The following HERC1 variants were observed in gnomAD, a reference collection of about 807,000 sequenced individuals.
The protein encoded by HERC1 is HECT and RLD domain containing E3 ubiquitin protein ligase family member 1.
Under a neutral mutation model 554.3 loss-of-function variants are expected in HERC1, and 160 were observed. The observed-to-expected ratio is 0.29, with a 90% CI of 0.25 to 0.33. The LOEUF (loss-of-function observed/expected upper bound fraction) is 0.33, where lower values mean the gene tolerates loss of function less well. Ranked by LOEUF, HERC1 falls within the 10% of genes least tolerant of loss-of-function variation. The pLI is 1.00. For missense variants in HERC1, 4,919 were observed against 5,918.5 expected (o/e 0.83, Z 5.54); for synonymous variants, 2,175 against 2,131.7 (o/e 1.02, Z -0.56).
Position 63,694,965 on chromosome 15 carries a change from C to T in HERC1, c.5122-71G>A. 7.2e-7 allele frequency: 1 copy of T among 1,386,550 alleles called. No individual in the cohort carries two copies. Among genetic ancestry groups the T allele is most frequent in the Non-Finnish European group, 9.8e-7 (1 of 1,015,378 alleles). 85.9% of individuals were successfully genotyped at this position (1,386,550 alleles called of 1,614,324 possible). A position where few individuals can be genotyped will look rare whatever the true frequency, so the allele number is the denominator to read the frequency against. The stretch of plus-strand genomic sequence containing the variant: ...ACCTGCTTGCAAAAAGAAGTAATAA[C>T]ATTTTATTTCTAGTCTATGCTAGAG... On this transcript the variant is annotated intron_variant, in intron 27 of 77. Transcript: ENST00000443617. This position sits in a 1 kb window ranked among gnomAD's most constrained non-coding sequence, Gnocchi z 4.3.
chr15:63,743,849 G>A (rs1263650723), intron 12 of HERC1, among the ~76,000 whole-genome samples: 1 of 152,154 alleles, frequency 6.6e-6, no homozygotes, highest in African/African-American at 2.4e-5. Flanking sequence ...GTTAGGTCAT[G>A]GATGGTGTGG....
intron 54 of HERC1, among the ~76,000 whole-genome samples, chr15:63,649,142 G>A (rs933821055): frequency 6.6e-6 from 1 of 152,060 alleles, no homozygotes; most frequent in East Asian, 1.9e-4. Context: ...ATCACAAGGT[G>A]AGGAGATCGA....
chr15:63,790,618 AG>A (rs2076618195), intron 1 of HERC1, among the ~76,000 whole-genome samples: 1 of 112,342 alleles, frequency 8.9e-6, no homozygotes, highest in South Asian at 2.4e-4. Flanking sequence ...TTTAAATACT[AG>A]AATAATAGAC....
In HERC1 at chr15:63,734,926, C is replaced by G; in HGVS notation, c.2521-77G>C. Reference sequence around the variant, plus strand: ...TAAAAACACACTTAAAGCGAACTCACTGACTACTAGGATCATGTAAGTCTA... The same window carrying G: ...TAAAAACACACTTAAAGCGAACTCAGTGACTACTAGGATCATGTAAGTCTA... On this transcript the variant is annotated intron_variant, in intron 12 of 77. Transcript: ENST00000443617. This position sits in a 1 kb window ranked among gnomAD's most constrained non-coding sequence, Gnocchi z 4.6. The G allele has an allele frequency of 8.0e-7, 1 of 1,247,038 alleles. No individual in the cohort carries two copies. The allele number at this position is 1,247,038 out of a possible 1,614,324, so 77.2% of individuals were successfully genotyped here.
intron 1 of HERC1, among the ~76,000 whole-genome samples, chr15:63,788,743 C>A (rs2076533073): frequency 6.6e-6 from 1 of 151,602 alleles, no homozygotes; most frequent in African/African-American, 2.4e-5. Context: ...GTGGTGAAGC[C>A]CCGTCTCTAC....
chr15:63,806,869 T>A (rs933150991), intron 1 of HERC1, among the ~76,000 whole-genome samples: 1 of 152,222 alleles, frequency 6.6e-6, no homozygotes, highest in Non-Finnish European at 1.5e-5. Flanking sequence ...TGCCTCAGCC[T>A]CCCAAACAGC....
At chr15:63,799,282 G>A (rs1394776095) in intron 1 of HERC1, among the ~76,000 whole-genome samples, 2 of 152,078 alleles carry the variant, frequency 1.3e-5, no homozygotes, top group African/African-American at 4.8e-5. Flanking sequence ...AGAAGGATCA[G>A]TTGAGCCCAG....
rs189480119 is a variant in HERC1, at chr15:63,710,089, A to G, written c.4584+2686T>C. 2.2e-3 allele frequency among the ~76,000 whole-genome samples: 330 copies of G among 152,366 alleles called. 1 individual carries two copies. The highest frequency in any genetic ancestry group is 3.7e-3 in the Non-Finnish European group (249 of 68,038). On this transcript the variant is annotated intron_variant, in intron 24 of 77. Transcript: ENST00000443617. ...AAAATGCAGACCACTGCAGAAGAAT[A>G]CTGGTTCCAAAAGCAGGCAGGTGAC...
rs1271649998 is a variant in HERC1 at position 63,662,991 on chromosome 15, G to A, written c.8894C>T (p.Pro2965Leu). ...GMWIPEVLDW[P>L]TWHVCESEDR... ...CGCTGCAGTCACACACACCCAGGTAGGCCAATCCAGTACCTCTGGGATCCA... is the reference window on the plus strand; with the variant it reads ...CGCTGCAGTCACACACACCCAGGTAAGCCAATCCAGTACCTCTGGGATCCA... The change falls in exon 44 of 78, where the codon CCT becomes CTT. Residue 2965 changes from proline (P) to leucine (L), a missense_variant. Around this residue, in one of 11 missense-constraint regions of HERC1, gnomAD observed 1,963 missense variants for 2,228.6 expected, o/e 0.88. Coordinates refer to ENST00000443617, the MANE Select transcript of HERC1 (RefSeq NM_003922.4). 6.2e-7 allele frequency: 1 copy of A among 1,613,474 alleles called. No individual in the cohort carries two copies. The highest frequency in any genetic ancestry group is 1.3e-5 in the African/African-American group (1 of 75,022).
In HERC1 at chr15:63,609,076, C is replaced by T; in HGVS notation, c.*5G>A. On this transcript the variant is annotated 3_prime_UTR_variant, in exon 78 of 78. Transcript: ENST00000443617. ...AGAGAAGGGAGGGTGAGAGCACCCG[C>T]ACGGTCAGTAGTCAGTGTCGGAGCC... is the stretch of plus-strand genomic sequence containing the variant. The T allele has an allele frequency of 6.2e-7, 1 of 1,611,028 alleles. No homozygotes were observed. Among genetic ancestry groups the T allele is most frequent in the African/African-American group, 1.3e-5 (1 of 75,030 alleles).
chr15:63,645,138 T>C, intron 56 of HERC1, 41 bp from the exon 57 acceptor site: 6 of 1,355,788 alleles, frequency 4.4e-6, no homozygotes, highest in South Asian at 1.2e-5. Context: ...CATGTCAATA[T>C]GCATTAAGTA....
intron 1 of HERC1, among the ~76,000 whole-genome samples, chr15:63,817,229 T>C (rs147619698): frequency 3.5e-4 from 53 of 152,274 alleles, no homozygotes; most frequent in African/African-American, 1.3e-3. Context: ...AAACTATAGA[T>C]CTATATCTAT....
Position 63,718,848 on chromosome 15 carries a change from A to G in HERC1, c.3792T>C (p.Ser1264=), listed in dbSNP as rs776404270. 1.9e-6 allele frequency: 3 copies of G among 1,613,776 alleles called. No individual in the cohort carries two copies. The highest frequency in any genetic ancestry group is 3.3e-5 in the Admixed American group (2 of 60,008). ...LSNESLLDTV[S]RFVLAALLKH... The stretch of plus-strand genomic sequence containing the variant: ...TCAGAAGAGCTGCAAGAACAAATCT[A>G]GACACAGTGTCCAAGAGTGACTCAT... Residue 1264 remains serine, a synonymous_variant, in exon 20 of 78, where the codon TCT becomes TCC. Coordinates refer to ENST00000443617, the MANE Select transcript of HERC1 (RefSeq NM_003922.4). This position sits in a 1 kb window ranked among gnomAD's most constrained non-coding sequence, Gnocchi z 4.2.
At chr15:63,803,885 TA>T (rs2077061795) in intron 1 of HERC1, among the ~76,000 whole-genome samples, 1 of 152,170 alleles carries the variant, frequency 6.6e-6, no homozygotes, top group Non-Finnish European at 1.5e-5. Context: ...ATAAAACTAG[TA>T]ACTAGTAATC....
intron 37 of HERC1, among the ~76,000 whole-genome samples, chr15:63,676,227 C>A (rs1431549650): frequency 6.6e-6 from 1 of 152,110 alleles, no homozygotes; most frequent in Non-Finnish European, 1.5e-5. Context: ...AACCAGGCAT[C>A]ATAAATCCTT....
At chr15:63,807,468 T>C (rs900435560) in intron 1 of HERC1, among the ~76,000 whole-genome samples, 2 of 152,170 alleles carry the variant, frequency 1.3e-5, no homozygotes, top group African/African-American at 4.8e-5. Flanking sequence ...CCAGTGTTCC[T>C]CTTCTTTTCC....
intron 65 of HERC1, among the ~76,000 whole-genome samples, chr15:63,635,316 T>C (rs2068735742): frequency 6.6e-6 from 1 of 152,214 alleles, no homozygotes; most frequent in Non-Finnish European, 1.5e-5. Flanking sequence ...CCCAAAGTGT[T>C]AGGATTACAG....
intron 76 of HERC1, among the ~76,000 whole-genome samples, chr15:63,614,301 T>A (rs923161479): frequency 1.3e-5 from 2 of 152,224 alleles, no homozygotes; most frequent in Non-Finnish European, 2.9e-5. Flanking sequence ...CAGTGCTTTC[T>A]TCTGTGAAAC....
rs1466014022 is a variant in HERC1, at chr15:63,774,786, T to A, written c.838A>T (p.Thr280Ser). ...MALGASAVVH[T>S]MEKGKLLSSQ... The stretch of plus-strand genomic sequence containing the variant: ...GAGAGTAGTTTGCCTTTCTCCATGG[T>A]GTGTACAACTGCCGAAGCCCCCAAA... The change falls in exon 2 of 78, where the codon ACC (threonine) becomes TCC (serine). Residue 280 changes from threonine (T) to serine (S), a missense_variant. Transcript: ENST00000443617. 6.2e-7 allele frequency: 1 copy of A among 1,613,976 alleles called. No homozygotes were observed. The highest frequency in any genetic ancestry group is 8.5e-7 in the Non-Finnish European group (1 of 1,179,872).
Sources: allele counts gnomAD v4.1 joint callset (sites outside exome capture counted in the v4.1 genomes callset), GRCh38; gene constraint gnomAD v4.1.1; regional missense constraint gnomAD v4.1.1; non-coding constraint Gnocchi (gnomAD v3.1); transcripts MANE v1.5; gene names NCBI Gene and HGNC (gene_info 2026-07-23, HGNC 2026-07-21).